The following THADA variants were observed in gnomAD, a reference collection of about 807,000 sequenced individuals.
THADA encodes the protein THADA armadillo repeat containing.
A neutral mutation model predicts 219.8 loss-of-function variants in THADA; 213 were observed. That is an observed-to-expected ratio of 0.97 (90% confidence interval 0.87 to 1.09). The LOEUF (loss-of-function observed/expected upper bound fraction) is 1.09. Ranked by LOEUF, THADA falls within the 50% of genes least tolerant of loss-of-function variation. The probability of loss-of-function intolerance (pLI) is 0.00; values close to 1 mark genes in which losing one functional copy is unlikely to be tolerated. For synonymous variants in THADA, 1,018 were observed against 828.9 expected (o/e 1.23, Z -3.92); for missense variants, 2,956 against 2,311.3 (o/e 1.28, Z -5.72).
chr2:43,458,891 GTACT>G (rs1294976117), intron 26 of THADA, among the ~76,000 whole-genome samples: 1 of 151,942 alleles, frequency 6.6e-6, no homozygotes, highest in African/African-American at 2.4e-5. Context: ...GCTTTTTAAT[GTACT>G]TATTTAACAA....
chr2:43,514,675 T>TAA (rs1691020327), intron 22 of THADA, among the ~76,000 whole-genome samples: 1 of 85,108 alleles, frequency 1.2e-5, no homozygotes. Context: ...TAATATATAA[T>TAA]ATATTATATT....
intron 17 of THADA, 35 bp from the exon 18 acceptor site, chr2:43,552,374 A>T: frequency 6.4e-7 from 1 of 1,573,172 alleles, no homozygotes. Context: ...AAGTAATGTC[A>T]ATCTTAAAAC....
Position 43,316,700 on chromosome 2 carries a change from G to T in THADA, c.4438+3746C>A, listed in dbSNP as rs182772968. Among the ~76,000 whole-genome samples the T allele has an allele frequency of 9.8e-5, 15 of 152,308 alleles. No individual in the cohort carries two copies. The East Asian group carries it at 2.9e-3, about 29-fold the overall frequency. Reference sequence around the variant, plus strand: ...CCCAGCACTTAGGGAGGCCGAGGCGGGTGGATCACCTGAGGTTGGGAGTTC... The same window carrying T: ...CCCAGCACTTAGGGAGGCCGAGGCGTGTGGATCACCTGAGGTTGGGAGTTC... On this transcript the variant is annotated intron_variant, in intron 31 of 37. Coordinates refer to ENST00000405975, the MANE Select transcript of THADA (RefSeq NM_022065.5).
At chr2:43,250,025 A>C (rs565119428) in intron 36 of THADA, among the ~76,000 whole-genome samples, 2 of 152,292 alleles carry the variant, frequency 1.3e-5, no homozygotes, top group East Asian at 3.9e-4. Context: ...AAGAATTACC[A>C]TGTGACCCAC....
intron 36 of THADA, among the ~76,000 whole-genome samples, chr2:43,271,101 G>A (rs1315486373): frequency 6.6e-6 from 1 of 152,176 alleles, no homozygotes; most frequent in East Asian, 1.9e-4. Flanking sequence ...CTCTCACCTG[G>A]GACCTGATAA....
chr2:43,367,839 C>T (rs1035511796), intron 29 of THADA, among the ~76,000 whole-genome samples: 3 of 152,164 alleles, frequency 2.0e-5, no homozygotes, highest in Admixed American at 2.0e-4. Context: ...CACTTTCTGG[C>T]CAGGAGCGGT....
At chr2:43,372,367 T>C (rs1016016487) in intron 29 of THADA, 2 of 152,218 alleles carry the variant, frequency 1.3e-5, no homozygotes, top group African/African-American at 4.8e-5. Flanking sequence ...GGAAGGTACA[T>C]TTTTGTAGTA....
At chr2:43,231,656 A>G (rs1667433896) in intron 37 of THADA, among the ~76,000 whole-genome samples, 1 of 152,214 alleles carries the variant, frequency 6.6e-6, no homozygotes, top group Non-Finnish European at 1.5e-5. Flanking sequence ...GGGGACTTCA[A>G]CAAGGGAGTG....
chr2:43,378,099 G>C (rs1671592248), intron 29 of THADA, among the ~76,000 whole-genome samples: 1 of 152,148 alleles, frequency 6.6e-6, no homozygotes, highest in African/African-American at 2.4e-5. Flanking sequence ...CAATCAAAGA[G>C]ATAATGAAAA....
At chr2:43,377,848 T>C (rs1345957273) in intron 29 of THADA, among the ~76,000 whole-genome samples, 2 of 152,062 alleles carry the variant, frequency 1.3e-5, no homozygotes, top group Non-Finnish European at 2.9e-5. Flanking sequence ...TTCCTGAAGA[T>C]GAGCTAAAAA....
intron 23 of THADA, among the ~76,000 whole-genome samples, chr2:43,506,608 G>C (rs1473744460): frequency 1.3e-5 from 2 of 152,170 alleles, no homozygotes; most frequent in Non-Finnish European, 2.9e-5. Flanking sequence ...GACTGCTAAT[G>C]AGTATGGGAG....
At position 43,344,206 on chromosome 2, in the gene THADA, G is replaced by C. The variant is rs748466079; in HGVS notation, c.4259C>G (p.Ser1420Cys). ...VFHLLQAYSDSKHGTNSDFQH... is the reference protein window; with the variant it reads ...VFHLLQAYSDCKHGTNSDFQH... ...GAAGTCTGAATTCGTTCCGTGTTTG[G>C]AGTCTGAGTAGGCTTGCAACAAATG... The change falls in exon 30 of 38, where the codon TCC (serine) becomes TGC (cysteine). Residue 1420 changes from serine to cysteine, a missense_variant. Coordinates refer to ENST00000405975, the MANE Select transcript of THADA (RefSeq NM_022065.5). 1.9e-6 allele frequency: 3 copies of C among 1,612,274 alleles called. No homozygotes were observed. The East Asian group carries it at 6.7e-5, about 36-fold the overall frequency.
chr2:43,413,894 G>A (rs1313553164), intron 28 of THADA, among the ~76,000 whole-genome samples: 1 of 152,198 alleles, frequency 6.6e-6, no homozygotes, highest in Non-Finnish European at 1.5e-5. Flanking sequence ...TTGGCCCTCA[G>A]AATCCTCAAA....
intron 36 of THADA, among the ~76,000 whole-genome samples, chr2:43,258,901 A>C (rs1022698452): frequency 6.6e-6 from 1 of 152,144 alleles, no homozygotes; most frequent in African/African-American, 2.4e-5. Context: ...GAAGGACTAA[A>C]AACAGTAACT....
chr2:43,479,137 C>T (rs1167336836), intron 26 of THADA, among the ~76,000 whole-genome samples: 3 of 152,220 alleles, frequency 2.0e-5, no homozygotes. Context: ...TATTTATAAT[C>T]TTATGATAAT....
At chr2:43,571,479 T>C (rs1350528613) in intron 13 of THADA, among the ~76,000 whole-genome samples, 3 of 151,626 alleles carry the variant, frequency 2.0e-5, no homozygotes, top group African/African-American at 4.9e-5. Flanking sequence ...TCTGAACTCC[T>C]GAAAAAAAAT....
At chr2:43,583,971 C>G (rs1213070958) in intron 7 of THADA, among the ~76,000 whole-genome samples, 1 of 141,414 alleles carries the variant, frequency 7.1e-6, no homozygotes. Context: ...GCTTGGGAGG[C>G]AGAGATTGCA....
intron 26 of THADA, among the ~76,000 whole-genome samples, chr2:43,443,150 A>AT (rs1681059341): frequency 6.6e-6 from 1 of 152,156 alleles, no homozygotes; most frequent in Non-Finnish European, 1.5e-5. Flanking sequence ...AGCTGACTTC[A>AT]TTTTCTCCAC....
rs370115327 is a variant in THADA, at chr2:43,344,164, T to C, written c.4301A>G (p.Asp1434Gly). ...TTTGGCTTTGGTACAAACAGTGATG[T>C]CAGTCAGCTCGTGCTGGAAGTCTGA... The part of the protein sequence containing the change: ...TNSDFQHELT[D>G]ITVCTKAKLW... Residue 1434 changes from aspartate (D) to glycine (G), a missense_variant, in exon 30 of 38, where the codon GAC becomes GGC. Physicochemically the swap from Asp to Gly is moderately conservative, Grantham distance 94 (BLOSUM62 -1). Coordinates refer to ENST00000405975, the MANE Select transcript of THADA (RefSeq NM_022065.5). 1 of 1,612,526 alleles carries C rather than the reference T, an allele frequency of 6.2e-7. No individual in the cohort carries two copies.
Sources: gnomAD v4.1 joint callset for allele counts (sites outside exome capture counted in the v4.1 genomes callset) on GRCh38, gnomAD v4.1.1 for gene constraint, MANE v1.5 for transcripts, NCBI Gene and HGNC (gene_info 2026-07-23, HGNC 2026-07-21) for gene names.